FRMD5: variants seen among roughly 807,000 people sequenced by gnomAD.
The protein encoded by FRMD5 is FERM domain-containing protein 5.
A neutral mutation model predicts 69.0 loss-of-function variants in FRMD5; 20 were observed. The ratio of observed to expected loss-of-function variants is 0.29; its 90% CI spans 0.20 to 0.42. The LOEUF (loss-of-function observed/expected upper bound fraction) is 0.42. FRMD5 is among the 10% of genes least tolerant of loss of function. The probability of loss-of-function intolerance (pLI) is 1.00; values close to 1 mark genes in which losing one functional copy is unlikely to be tolerated. For synonymous variants in FRMD5, 271 were observed against 260.1 expected, an observed-to-expected ratio of 1.04 and a Z score of -0.40; for missense variants, 595 against 708.6, an observed-to-expected ratio of 0.84 and a Z score of 1.82.
At chr15:43,977,742 A>T (rs1327330776) in intron 1 of FRMD5, among the ~76,000 whole-genome samples, 2 of 152,170 alleles carry the variant, frequency 1.3e-5, no homozygotes, top group African/African-American at 4.8e-5. Context: ...ACCAATCTAG[A>T]TTTATTTGTA....
chr15:44,053,341 T>A lies in FRMD5; in HGVS notation c.103-129032A>T, dbSNP rs142091653. Among the ~76,000 whole-genome samples, 446 of 152,266 alleles carry A rather than the reference T, an allele frequency of 2.9e-3. 2 individuals are homozygous for A. The highest frequency in any genetic ancestry group is 0.01 in the African/African-American group (424 of 41,548). ...TGGGAAGTTCTTGAAGTAAAGTTCA[T>A]TAGAGTTTTAAGGAGGGTGGGATGG... On this transcript the variant is annotated intron_variant, in intron 1 of 13. Transcript: ENST00000417257.
chr15:43,990,310 T>C (rs763566140), intron 1 of FRMD5: 12 of 258,848 alleles, frequency 4.6e-5, no homozygotes, highest in Non-Finnish European at 7.5e-5. Flanking sequence ...AATATTTGTC[T>C]GACTTTGCTT....
chr15:44,092,927 C>CTTTTTT (rs3040924), intron 1 of FRMD5, among the ~76,000 whole-genome samples: 5 of 79,416 alleles, frequency 6.3e-5, no homozygotes, highest in African/African-American at 1.9e-4. Flanking sequence ...TATCCTCTGC[C>CTTTTTT]TTTTTTTTTT....
At chr15:44,100,932 C>T (rs533980314) in intron 1 of FRMD5, among the ~76,000 whole-genome samples, 53 of 152,126 alleles carry the variant, frequency 3.5e-4, no homozygotes, top group Middle Eastern at 6.8e-3. Flanking sequence ...AGGTGGATCA[C>T]GAGGTCAAGA....
chr15:44,191,639 T>TG (rs2140614442), intron 1 of FRMD5, among the ~76,000 whole-genome samples: 1 of 151,550 alleles, frequency 6.6e-6, no homozygotes, highest in South Asian at 2.1e-4. Flanking sequence ...CAGGGCATGG[T>TG]GGTGCACTTC....
intron 1 of FRMD5, 112 bp downstream of exon 1, chr15:44,194,841 G>A: frequency 1.1e-6 from 1 of 919,798 alleles, no homozygotes. Context: ...AACGGACAAA[G>A]CACGGCGCTG....
chr15:44,187,259 C>T (rs1473560766), intron 1 of FRMD5, among the ~76,000 whole-genome samples: 1 of 152,120 alleles, frequency 6.6e-6, no homozygotes, highest in Non-Finnish European at 1.5e-5. Flanking sequence ...AATGCCATTG[C>T]TTTGTGAAGA....
chr15:44,143,652 G>A (rs2555368), intron 1 of FRMD5, among the ~76,000 whole-genome samples: 123,353 of 150,410 alleles, frequency 0.82, 53,083 homozygotes, highest in Non-Finnish European at 0.94. Context: ...TCGGCTGGGC[G>A]CGATGGCTCA....
chr15:44,177,001 AG>A (rs1471772985), intron 1 of FRMD5, among the ~76,000 whole-genome samples: 1 of 148,712 alleles, frequency 6.7e-6, no homozygotes, highest in East Asian at 2.0e-4. Flanking sequence ...GACAATAGTG[AG>A]GATTGGCCAG....
chr15:44,038,894 C>T (rs1892053769), intron 1 of FRMD5, among the ~76,000 whole-genome samples: 1 of 152,180 alleles, frequency 6.6e-6, no homozygotes, highest in African/African-American at 2.4e-5. Context: ...CCTGGCTCGG[C>T]AGGTCCCACC....
At chr15:43,899,585 C>T (rs971294938) in intron 7 of FRMD5, among the ~76,000 whole-genome samples, 1 of 152,182 alleles carries the variant, frequency 6.6e-6, no homozygotes, top group Non-Finnish European at 1.5e-5. Flanking sequence ...TAAATGAGAA[C>T]ATAATGTGAA....
At chr15:43,924,121 T>C in intron 2 of FRMD5, 84 bp downstream of exon 2, 1 of 1,075,996 alleles carries the variant, frequency 9.3e-7, no homozygotes, top group Non-Finnish European at 1.4e-6. Flanking sequence ...TCCTGAAGCT[T>C]GACTTTGAAT....
intron 1 of FRMD5, among the ~76,000 whole-genome samples, chr15:43,999,563 G>T (rs531368538): frequency 6.6e-6 from 1 of 152,090 alleles, no homozygotes; most frequent in East Asian, 1.9e-4. Context: ...CTGCAAGTTT[G>T]TTCCCTCTTA....
intron 1 of FRMD5, among the ~76,000 whole-genome samples, chr15:44,184,857 AT>A (rs2078072107): frequency 6.6e-6 from 1 of 152,202 alleles, no homozygotes; most frequent in African/African-American, 2.4e-5. Context: ...AAAATAGTCC[AT>A]AATATTTTAT....
In FRMD5 at chr15:44,130,524, T is replaced by C. The variant is rs2077083988; in HGVS notation, c.102+64429A>G. 3.3e-5 allele frequency among the ~76,000 whole-genome samples: 5 copies of C among 152,238 alleles called. No individual in the cohort carries two copies. In the South Asian group the frequency reaches 1.0e-3, roughly 31 times the overall value. ...TGCAGTCCAGGCAAAGTGAACCTTC[T>C]TCAAAGTTCTAAAAAATGACTCTGG... On this transcript the variant is annotated intron_variant, in intron 1 of 13. Transcript: ENST00000417257.
At chr15:43,894,778 G>A (rs2088875532) in intron 7 of FRMD5, among the ~76,000 whole-genome samples, 1 of 152,130 alleles carries the variant, frequency 6.6e-6, no homozygotes, top group East Asian at 1.9e-4. Context: ...ACAGTGGTGC[G>A]GGCTCTTGGT....
chr15:43,941,099 T>C (rs1206920149), intron 1 of FRMD5, among the ~76,000 whole-genome samples: 1 of 152,176 alleles, frequency 6.6e-6, no homozygotes, highest in Non-Finnish European at 1.5e-5. Flanking sequence ...CCAGGCAGAG[T>C]GGCTTACACC....
chr15:43,873,294 T>TAATC lies in FRMD5; in HGVS notation c.*587_*590dup, dbSNP rs1203681995. 8 of 1,534,490 alleles carry TAATC rather than the reference T, an allele frequency of 5.2e-6. No individual in the cohort carries two copies. The highest frequency in any genetic ancestry group is 4.2e-5 in the African/African-American group (3 of 71,910). On this transcript the variant is annotated 3_prime_UTR_variant, in exon 14 of 14. Coordinates refer to ENST00000417257, the MANE Select transcript of FRMD5 (RefSeq NM_032892.5). ...CCATCATAAGAAGCAACTTTCCATTTAATCATTCTACATGGATGTTTACTT... is the reference window on the plus strand; with the variant it reads ...CCATCATAAGAAGCAACTTTCCATTTAATCAATCATTCTACATGGATGTTTACTT...
chr15:43,911,813 G>A (rs1176031324), intron 4 of FRMD5, among the ~76,000 whole-genome samples: 2 of 152,172 alleles, frequency 1.3e-5, no homozygotes, highest in African/African-American at 4.8e-5. Context: ...TGAAACAGAG[G>A]ATTCCTTGTC....
Sources: gnomAD v4.1 joint callset for allele counts (sites outside exome capture counted in the v4.1 genomes callset) on GRCh38, gnomAD v4.1.1 for gene constraint, MANE v1.5 for transcripts, NCBI Gene and HGNC (gene_info 2026-07-23, HGNC 2026-07-21) for gene names.